Variants in HERC2 observed in about 807,000 individuals in gnomAD.
The protein encoded by HERC2 is E3 ubiquitin-protein ligase HERC2.
HERC2 carries 102 observed loss-of-function variants against 537.7 expected under a neutral mutation model. The observed-to-expected ratio is 0.19, with a 90% CI of 0.16 to 0.22. The LOEUF (loss-of-function observed/expected upper bound fraction) is 0.22, where lower values mean the gene tolerates loss of function less well. Ranked by LOEUF, HERC2 falls within the 10% of genes least tolerant of loss-of-function variation. HERC2 has a pLI of 1.00. For synonymous variants in HERC2, 2,224 were observed against 2,466.2 expected, an observed-to-expected ratio of 0.90 and a Z score of 2.91; for missense variants, 4,236 against 6,198.2, an observed-to-expected ratio of 0.68 and a Z score of 10.63.
chr15:28,202,723 T>C, intron 45 of HERC2, 109 bp from the exon 46 acceptor site: 1 of 409,416 alleles, frequency 2.4e-6, no homozygotes, highest in East Asian at 3.4e-5. Context: ...AGTATGCAAG[T>C]CTAGAAAGCC....
intron 35 of HERC2, among the ~76,000 whole-genome samples, chr15:28,222,619 C>CT (rs1166901571): frequency 2.6e-5 from 4 of 152,146 alleles, no homozygotes; most frequent in African/African-American, 9.7e-5. Context: ...CAGAAGACAG[C>CT]TAACAGCTGG....
In HERC2 at chr15:28,257,931, G is replaced by A. The variant is rs377205872; in HGVS notation, c.2317-670C>T. On this transcript the variant is annotated intron_variant, in intron 16 of 92. Transcript: ENST00000261609. ...CATCACCTGACCTCATGATCTGCCCGCCTCAGCCTCCCAAAGTGCTGGAAT... is the reference window on the plus strand; with the variant it reads ...CATCACCTGACCTCATGATCTGCCCACCTCAGCCTCCCAAAGTGCTGGAAT... 4.0e-3 allele frequency among the ~76,000 whole-genome samples: 607 copies of A among 151,714 alleles called. 4 individuals are homozygous for A. Among genetic ancestry groups the A allele is most frequent in the African/African-American group, 0.014 (568 of 41,364 alleles).
At chr15:28,258,789 C>T (rs1220116966) in intron 16 of HERC2, among the ~76,000 whole-genome samples, 6 of 151,874 alleles carry the variant, frequency 4.0e-5, no homozygotes, top group African/African-American at 1.5e-4. Context: ...ATTAATGAAA[C>T]GAAAAGATTG....
intron 2 of HERC2, among the ~76,000 whole-genome samples, chr15:28,310,117 C>G (rs2076900049): frequency 6.6e-6 from 1 of 152,168 alleles, no homozygotes; most frequent in Admixed American, 6.5e-5. Flanking sequence ...CCAATCTAGG[C>G]AACATAGCAA....
At chr15:28,121,247 C>T in intron 86 of HERC2, 99 bp downstream of exon 86, 2 of 1,049,744 alleles carry the variant, frequency 1.9e-6, no homozygotes, top group South Asian at 2.7e-5. Context: ...TTGGGGTGCA[C>T]AGGATGGCAG....
chr15:28,211,096 G>C lies in HERC2; in HGVS notation c.6975C>G (p.Ile2325Met), dbSNP rs1389358550. The stretch of plus-strand genomic sequence containing the variant: ...AGAGCAGCGCCCGACCTGCTTTCAG[G>C]ATGTATAGCTTCAACTGCTGGCACC... ...LLRCQQLKLY[I>M]LKAGRALLSH... Residue 2325 changes from isoleucine (I) to methionine (M), a missense_variant, in exon 44 of 93, where the codon ATC becomes ATG. Ile to Met is a conservative substitution (Grantham distance 10). Around this residue, in one of 27 missense-constraint regions of HERC2, gnomAD observed 67 missense variants for 140.1 expected, o/e 0.48. Transcript: ENST00000261609. 1.9e-6 allele frequency: 3 copies of C among 1,610,980 alleles called. 1 individual carries two copies. The South Asian group carries it at 3.3e-5, about 18-fold the overall frequency.
intron 72 of HERC2, 82 bp downstream of exon 72, chr15:28,144,591 G>A (rs775317436): frequency 2.5e-4 from 388 of 1,578,292 alleles, no homozygotes; most frequent in Non-Finnish European, 3.3e-4. Flanking sequence ...GCACTACGTG[G>A]ACATGTGCAC....
chr15:28,168,293 T>A, intron 67 of HERC2, 114 bp downstream of exon 67: 1 of 1,032,684 alleles, frequency 9.7e-7, no homozygotes, highest in Non-Finnish European at 1.4e-6. Flanking sequence ...AAGCCAAAAA[T>A]CTAAGCGGGA....
rs1461705618 is a variant in HERC2 at position 28,229,546 on chromosome 15, C to T, written c.5034G>A (p.Leu1678=). The T allele has an allele frequency of 1.2e-6, 2 of 1,613,724 alleles. No homozygotes were observed. ...RLEGIDTILK[L]ASKNFLLPSV... ...ATGGAAGTAAGAAATTCTTGCTCGC[C>T]AGTTTTAAAATTGTATCTATCCCTT... Residue 1678 remains leucine, a synonymous_variant, in exon 33 of 93, where the codon CTG becomes CTA. Coordinates refer to ENST00000261609, the MANE Select transcript of HERC2 (RefSeq NM_004667.6).
intron 3 of HERC2, among the ~76,000 whole-genome samples, chr15:28,293,908 G>A (rs1168044272): frequency 6.6e-6 from 1 of 152,254 alleles, no homozygotes; most frequent in African/African-American, 2.4e-5. Flanking sequence ...AGTAAGCGAA[G>A]AGAAGAGAGA....
At chr15:28,225,121 C>G (rs190261507) in intron 35 of HERC2, among the ~76,000 whole-genome samples, 4 of 152,282 alleles carry the variant, frequency 2.6e-5, no homozygotes, top group Admixed American at 1.3e-4. Flanking sequence ...GGTGTGGTGC[C>G]TCACACCTGT....
intron 68 of HERC2, among the ~76,000 whole-genome samples, chr15:28,164,044 G>C (rs1893885839): frequency 6.6e-6 from 1 of 152,164 alleles, no homozygotes; most frequent in African/African-American, 2.4e-5. Context: ...TGTGGAAACG[G>C]GAAAGGCCCT....
At chr15:28,203,890 C>G (rs1473901392) in intron 45 of HERC2, 2 of 151,946 alleles carry the variant, frequency 1.3e-5, no homozygotes, top group African/African-American at 4.8e-5. Flanking sequence ...AGGGCCAGGA[C>G]AGCATCTGAG....
intron 2 of HERC2, among the ~76,000 whole-genome samples, chr15:28,316,486 T>A (rs893091605): frequency 1.8e-4 from 27 of 145,984 alleles, no homozygotes; most frequent in African/African-American, 6.1e-4. Flanking sequence ...CAAAAAAAAA[T>A]TTTTTTGCTG....
chr15:28,270,279 AGAC>A (rs1214147140), intron 10 of HERC2, among the ~76,000 whole-genome samples: 1 of 151,478 alleles, frequency 6.6e-6, no homozygotes, highest in East Asian at 1.9e-4. Context: ...ACAGACAGAC[AGAC>A]ATGTAATATA....
rs754265402 is a variant in HERC2 at position 28,176,924 on chromosome 15, C to T, written c.9432+26G>A. 6.3e-7 allele frequency: 1 copy of T among 1,599,990 alleles called. No homozygotes were observed. Among genetic ancestry groups the T allele is most frequent in the East Asian group, 2.2e-5 (1 of 44,546 alleles). On this transcript the variant is annotated intron_variant, in intron 61 of 92. Transcript: ENST00000261609. The surrounding 1 kb of genome is among the most constrained non-coding windows in gnomAD (Gnocchi z 5.0). ...ACATCTTCAGATGGTAAGCTTTCTGCAAGCAACAAAAATGCGTATAATCAC... is the reference window on the plus strand; with the variant it reads ...ACATCTTCAGATGGTAAGCTTTCTGTAAGCAACAAAAATGCGTATAATCAC...
At chr15:28,204,539 G>A (rs1898206506) in intron 45 of HERC2, among the ~76,000 whole-genome samples, 1 of 150,020 alleles carries the variant, frequency 6.7e-6, no homozygotes, top group Non-Finnish European at 1.5e-5. Flanking sequence ...AGAATCACTT[G>A]AACCCAAGAG....
chr15:28,111,637 C>T lies in HERC2; in HGVS notation c.*126G>A. 1.0e-6 allele frequency: 1 copy of T among 991,536 alleles called. No individual in the cohort carries two copies. The highest frequency in any genetic ancestry group is 1.5e-6 in the Non-Finnish European group (1 of 670,670). The allele number at this position is 991,536 out of a possible 1,614,324, so 61.4% of individuals were successfully genotyped here. A position where few individuals can be genotyped will look rare whatever the true frequency, so the allele number is the denominator to read the frequency against. Reference sequence around the variant, plus strand: ...TCACGGCCAGTCAGTCTCTCCACTCCCTCCTCCCGCCTGGCTCGAGGACGG... The same window carrying T: ...TCACGGCCAGTCAGTCTCTCCACTCTCTCCTCCCGCCTGGCTCGAGGACGG... On this transcript the variant is annotated 3_prime_UTR_variant, in exon 93 of 93. Coordinates refer to ENST00000261609, the MANE Select transcript of HERC2 (RefSeq NM_004667.6).
intron 55 of HERC2, among the ~76,000 whole-genome samples, chr15:28,189,068 C>CAG (rs1298600106): frequency 1.3e-5 from 2 of 152,212 alleles, no homozygotes; most frequent in African/African-American, 4.8e-5. Flanking sequence ...GCCTGGGCGA[C>CAG]AGAGTGAGAC....
Sources: allele counts gnomAD v4.1 joint callset (sites outside exome capture counted in the v4.1 genomes callset), GRCh38; gene constraint gnomAD v4.1.1; regional missense constraint gnomAD v4.1.1; non-coding constraint Gnocchi (gnomAD v3.1); transcripts MANE v1.5; gene names NCBI Gene and HGNC (gene_info 2026-07-23, HGNC 2026-07-21).